Variants in TNFRSF14 observed in about 807,000 individuals in gnomAD.
TNFRSF14 encodes the protein TNF receptor superfamily member 14, also known as tumor necrosis factor receptor superfamily member 14.
A neutral mutation model predicts 34.1 loss-of-function variants in TNFRSF14; 18 were observed. The ratio of observed to expected loss-of-function variants is 0.53; its 90% CI spans 0.36 to 0.78. The LOEUF (loss-of-function observed/expected upper bound fraction) is 0.78. TNFRSF14 is among the 30% of genes least tolerant of loss of function. The probability of loss-of-function intolerance (pLI) is 0.00; values close to 1 mark genes in which losing one functional copy is unlikely to be tolerated. For missense variants in TNFRSF14, 352 were observed against 379.5 expected (o/e 0.93, Z 0.60); for synonymous variants, 157 against 153.2 (o/e 1.02, Z -0.18).
In TNFRSF14 at chr1:2,556,674, C is replaced by G. The variant is rs756893287; in HGVS notation, c.10C>G (p.Pro4Ala). 2 of 1,609,942 alleles carry G rather than the reference C, an allele frequency of 1.2e-6. No homozygotes were observed. The highest frequency in any genetic ancestry group is 4.5e-5 in the East Asian group (2 of 44,822). MEP[P>A]GDWGPPPWRS... ...GGTCTGAGCCTGAGGCATGGAGCCT[C>G]CTGGAGACTGGGGGCCTCCTCCCTG... Residue 4 changes from proline (P) to alanine (A), a missense_variant, in exon 1 of 8, where the codon CCT becomes GCT. Pro to Ala is a conservative substitution (Grantham distance 27, BLOSUM62 -1). Transcript: ENST00000355716.
chr1:2,560,825 G>A, intron 5 of TNFRSF14, 111 bp downstream of exon 5: 1 of 960,206 alleles, frequency 1.0e-6, no homozygotes. Context: ...GTCCCACCCT[G>A]AGCGGCACCC....
chr1:2,560,864 G>A (rs796126355), intron 5 of TNFRSF14, 150 bp downstream of exon 5: 36 of 678,070 alleles, frequency 5.3e-5, no homozygotes, highest in African/African-American at 5.3e-4. Flanking sequence ...CAGGAGAGCT[G>A]CAGGGCTGAA....
At position 2,563,747 on chromosome 1, in the gene TNFRSF14, C is replaced by T. The variant is rs1309719895; in HGVS notation, c.*474C>T. 5 of 237,486 alleles carry T rather than the reference C, an allele frequency of 2.1e-5. No homozygotes were observed. The highest frequency in any genetic ancestry group is 6.6e-5 in the African/African-American group (3 of 45,458). The allele number at this position is 237,486 out of a possible 1,614,324, so 14.7% of individuals were successfully genotyped here. On this transcript the variant is annotated 3_prime_UTR_variant, in exon 8 of 8. Coordinates refer to ENST00000355716, the MANE Select transcript of TNFRSF14 (RefSeq NM_003820.4). ...TGATTTTCTAAATTGGATTTGAATT[C>T]GGCTCCTGTTTTCTATTTGTCATGA...
At position 2,556,561 on chromosome 1, in the gene TNFRSF14, T is replaced by G; in HGVS notation, c.-104T>G. The G allele has an allele frequency of 8.6e-7, 1 of 1,163,252 alleles. No homozygotes were observed. The highest frequency in any genetic ancestry group is 1.3e-6 in the Non-Finnish European group (1 of 792,952). 72.1% of individuals were successfully genotyped at this position (1,163,252 alleles called of 1,614,324 possible). On this transcript the variant is annotated 5_prime_UTR_variant, in exon 1 of 8. Coordinates refer to ENST00000355716, the MANE Select transcript of TNFRSF14 (RefSeq NM_003820.4). ...ACACCGAGGCGGATTCTCTTTCTCT[T>G]TCTCTTTCTCTTCTGGCCCACAGCC...
At chr1:2,558,586 G>A in intron 3 of TNFRSF14, 118 bp downstream of exon 3, 6 of 1,548,974 alleles carry the variant, frequency 3.9e-6, no homozygotes, top group Non-Finnish European at 5.2e-6. Context: ...CCCAGGCCAG[G>A]TCCCAACCCC....
In TNFRSF14 at chr1:2,563,419, G is replaced by T; in HGVS notation, c.*146G>T. On this transcript the variant is annotated 3_prime_UTR_variant, in exon 8 of 8. Coordinates refer to ENST00000355716, the MANE Select transcript of TNFRSF14 (RefSeq NM_003820.4). ...CGTCTCCTCCAGTGGAGGGAGAGGT[G>T]GGGCCCCTGCTGGGGTAGAGCTGGG... 2.2e-6 allele frequency: 3 copies of T among 1,387,080 alleles called. No homozygotes were observed. Among genetic ancestry groups the T allele is most frequent in the Non-Finnish European group, 2.9e-6 (3 of 1,034,378 alleles). The allele number at this position is 1,387,080 out of a possible 1,614,324, so 85.9% of individuals were successfully genotyped here. A position where few individuals can be genotyped will look rare whatever the true frequency, so the allele number is the denominator to read the frequency against.
chr1:2,558,729 C>A, intron 3 of TNFRSF14: 1 of 1,144,860 alleles, frequency 8.7e-7, no homozygotes, highest in Non-Finnish European at 1.2e-6. Flanking sequence ...TATCCCTCGT[C>A]CTTGGCTCCT....
chr1:2,559,778 C>T, intron 3 of TNFRSF14, 45 bp from the exon 4 acceptor site: 1 of 1,574,862 alleles, frequency 6.3e-7, no homozygotes, highest in Non-Finnish European at 8.6e-7. Context: ...TGGATGGTGT[C>T]CCGGCCTCCA....
chr1:2,560,740 C>A, intron 5 of TNFRSF14, 26 bp downstream of exon 5: 1 of 1,603,580 alleles, frequency 6.2e-7, no homozygotes, highest in African/African-American at 1.3e-5. Flanking sequence ...GGAGGCCCAG[C>A]TCTGTGCCCT....
Position 2,561,829 on chromosome 1 carries a change from G to A in TNFRSF14, c.694+14G>A, listed in dbSNP as rs757050089. The A allele has an allele frequency of 7.4e-5, 119 of 1,611,134 alleles. No individual in the cohort carries two copies. Among genetic ancestry groups the A allele is most frequent in the Non-Finnish European group, 9.2e-5 (108 of 1,178,808 alleles). On this transcript the variant is annotated intron_variant, in intron 6 of 7. Transcript: ENST00000355716. This position sits in a 1 kb window ranked among gnomAD's most constrained non-coding sequence, Gnocchi z 6.0. ...GAAAGCCAAGGGGTGAGCACACGGC[G>A]GCCCCATCAGGGCTCATGTCCCCAG...
At chr1:2,555,845 C>G (rs1474060604), upstream of TNFRSF14, 1 of 154,678 alleles carries the variant, frequency 6.5e-6, no homozygotes, top group Non-Finnish European at 1.4e-5. The surrounding 1 kb of genome is among the most constrained non-coding windows in gnomAD (Gnocchi z 6.3). Flanking sequence ...CTGTCTCCAT[C>G]CGGAGGTCTC....
rs145879141 is a variant in TNFRSF14, at chr1:2,560,972, C to A, written c.551+258C>A. On this transcript the variant is annotated intron_variant, in intron 5 of 7. Transcript: ENST00000355716. ...CAGGATGGGCCTTCCCAGAAGCAGG[C>A]CCAGAGGGAGGCTGCCTCCAGATCC... is the stretch of plus-strand genomic sequence containing the variant. The A allele has an allele frequency of 2.4e-3, 1,171 of 491,824 alleles. 13 individuals are homozygous for A. The highest frequency in any genetic ancestry group is 0.02 in the African/African-American group (1,043 of 51,432). 30.5% of individuals were successfully genotyped at this position (491,824 alleles called of 1,614,324 possible).
rs1644301493 is a variant in TNFRSF14, at chr1:2,561,084, T to G, written c.551+370T>G. On this transcript the variant is annotated intron_variant, in intron 5 of 7. Transcript: ENST00000355716. This position sits in a 1 kb window ranked among gnomAD's most constrained non-coding sequence, Gnocchi z 6.0. ...CAGGGGTTGGGGAAAGTGAACACTCTGCTCTTTGTCCACCTTCGGGAGGAC... is the reference window on the plus strand; with the variant it reads ...CAGGGGTTGGGGAAAGTGAACACTCGGCTCTTTGTCCACCTTCGGGAGGAC... 3.0e-6 allele frequency: 1 copy of G among 337,812 alleles called. No individual in the cohort carries two copies. Among genetic ancestry groups the G allele is most frequent in the African/African-American group, 2.1e-5 (1 of 47,842 alleles). 20.9% of individuals were successfully genotyped at this position (337,812 alleles called of 1,614,324 possible).
intron 6 of TNFRSF14, 155 bp from the exon 7 acceptor site, chr1:2,562,710 C>A: frequency 1.0e-6 from 1 of 990,574 alleles, no homozygotes; most frequent in East Asian, 2.4e-5. Context: ...CACAGTTGGC[C>A]TCCTCTGCTC....
rs934053033 is a variant in TNFRSF14 at position 2,563,576 on chromosome 1, G to A, written c.*303G>A. The A allele has an allele frequency of 1.5e-5, 6 of 391,552 alleles. No individual in the cohort carries two copies. Among genetic ancestry groups the A allele is most frequent in the African/African-American group, 6.0e-5 (3 of 50,340 alleles). The allele number at this position is 391,552 out of a possible 1,614,324, so 24.3% of individuals were successfully genotyped here. On this transcript the variant is annotated 3_prime_UTR_variant, in exon 8 of 8. Coordinates refer to ENST00000355716, the MANE Select transcript of TNFRSF14 (RefSeq NM_003820.4). The stretch of plus-strand genomic sequence containing the variant: ...ACAGACCACACACCCAGCCCTCCTG[G>A]GCCAGCCCAGAGGGCCCTTCAGACC...
At chr1:2,562,118 C>A in intron 6 of TNFRSF14, 1 of 457,454 alleles carries the variant, frequency 2.2e-6, no homozygotes, top group East Asian at 3.6e-5. Flanking sequence ...GCAGGACAGG[C>A]CCTGCTCAGC....
chr1:2,559,734 G>A, intron 3 of TNFRSF14, 89 bp from the exon 4 acceptor site: 2 of 1,539,722 alleles, frequency 1.3e-6, no homozygotes, highest in Non-Finnish European at 1.7e-6. Context: ...CGCCCTGGCA[G>A]CAGTCCTTGG....
At chr1:2,555,089 C>T (rs1644195069), upstream of TNFRSF14, 3 of 152,144 alleles carry the variant, frequency 2.0e-5, no homozygotes, top group Non-Finnish European at 4.4e-5. This position sits in a 1 kb window ranked among gnomAD's most constrained non-coding sequence, Gnocchi z 6.3. Context: ...CTCTCCCAGG[C>T]TCCAGCTGTG....
chr1:2,562,168 T>A, intron 6 of TNFRSF14: 1 of 372,122 alleles, frequency 2.7e-6, no homozygotes, highest in East Asian at 4.6e-5. Flanking sequence ...GCCGCCCTGC[T>A]GGGGACAAGG....
Sources: gnomAD v4.1 joint callset for allele counts on GRCh38, gnomAD v4.1.1 for gene constraint, Gnocchi (gnomAD v3.1) non-coding constraint, MANE v1.5 for transcripts, NCBI Gene and HGNC (gene_info 2026-07-23, HGNC 2026-07-21) for gene names.